ELMO1: variants seen among roughly 807,000 people sequenced by gnomAD.
ELMO1 encodes the protein engulfment and cell motility 1, also known as engulfment and cell motility protein 1.
In ELMO1, 26 loss-of-function variants were observed where a neutral mutation model predicts 98.9. That is an observed-to-expected ratio of 0.26 (90% confidence interval 0.19 to 0.36). The LOEUF (loss-of-function observed/expected upper bound fraction) is 0.36, where lower values mean the gene tolerates loss of function less well. Among genes scored for constraint, ELMO1 ranks in the 10% least tolerant of loss-of-function variants. ELMO1 has a pLI of 1.00. For missense variants in ELMO1, 627 were observed against 935.2 expected (o/e 0.67, Z 4.30); for synonymous variants, 346 against 346.0 (o/e 1.00, Z 0.00).
chr7:37,336,760 G>A (rs1229338872), intron 2 of ELMO1, among the ~76,000 whole-genome samples: 1 of 152,166 alleles, frequency 6.6e-6, no homozygotes, highest in African/African-American at 2.4e-5. Flanking sequence ...GGGGAGCCCT[G>A]TAGAGAGGTA....
chr7:37,211,938 G>C (rs1212435732), intron 12 of ELMO1, among the ~76,000 whole-genome samples: 1 of 152,042 alleles, frequency 6.6e-6, no homozygotes, highest in Non-Finnish European at 1.5e-5. Flanking sequence ...AACCAACACA[G>C]GACAAAAAAG....
intron 16 of ELMO1, among the ~76,000 whole-genome samples, chr7:37,010,247 A>G (rs183213053): frequency 6.6e-6 from 1 of 152,340 alleles, no homozygotes; most frequent in Non-Finnish European, 1.5e-5. Context: ...ACTGATCTAC[A>G]CATCTAAAAA....
chr7:37,080,670 C>A (rs1159135489), intron 15 of ELMO1, among the ~76,000 whole-genome samples: 1 of 131,902 alleles, frequency 7.6e-6, no homozygotes, highest in Admixed American at 9.1e-5. Context: ...CCAGGCTGGT[C>A]TTGAACTTCT....
At chr7:37,092,552 A>AT (rs1408492627) in intron 15 of ELMO1, among the ~76,000 whole-genome samples, 3 of 150,916 alleles carry the variant, frequency 2.0e-5, no homozygotes, top group Middle Eastern at 6.8e-3. Context: ...CTAATTTTGT[A>AT]TTTTTTGTAG....
intron 13 of ELMO1, among the ~76,000 whole-genome samples, chr7:37,181,063 T>C (rs1249743982): frequency 6.6e-6 from 1 of 152,254 alleles, no homozygotes; most frequent in Non-Finnish European, 1.5e-5. Flanking sequence ...ATGTCTACTT[T>C]AACATGCTTA....
chr7:37,122,189 A>C (rs912692884), intron 14 of ELMO1, among the ~76,000 whole-genome samples: 1 of 152,242 alleles, frequency 6.6e-6, no homozygotes, highest in Non-Finnish European at 1.5e-5. Flanking sequence ...ATCATGCCAA[A>C]TTGTAAAGAC....
intron 15 of ELMO1, among the ~76,000 whole-genome samples, chr7:37,091,091 C>T (rs182599305): frequency 2.0e-3 from 299 of 152,256 alleles, no homozygotes; most frequent in Non-Finnish European, 3.3e-3. Context: ...CACTCATCAA[C>T]AATGTATTTA....
chr7:36,924,658 A>G (rs1785393190), intron 16 of ELMO1, among the ~76,000 whole-genome samples: 1 of 152,208 alleles, frequency 6.6e-6, no homozygotes, highest in South Asian at 2.1e-4. Context: ...TGACAAGTAC[A>G]GTGTGCACTA....
intron 15 of ELMO1, among the ~76,000 whole-genome samples, chr7:37,079,316 A>G (rs1797739848): frequency 6.6e-6 from 1 of 152,212 alleles, no homozygotes; most frequent in Non-Finnish European, 1.5e-5. Flanking sequence ...CTCTCAAACT[A>G]TCTGCAGTGA....
intron 16 of ELMO1, chr7:36,985,133 G>A: frequency 1.0e-6 from 1 of 984,734 alleles, no homozygotes; most frequent in Non-Finnish European, 1.2e-6. Context: ...CATCACCAGT[G>A]TCAGAAAATT....
At chr7:37,310,810 T>C (rs1798851252) in intron 4 of ELMO1, among the ~76,000 whole-genome samples, 1 of 152,186 alleles carries the variant, frequency 6.6e-6, no homozygotes, top group Admixed American at 6.5e-5. Context: ...ACTTCTGACC[T>C]GTACAACCCC....
intron 16 of ELMO1, among the ~76,000 whole-genome samples, chr7:36,948,294 T>C (rs1038520884): frequency 3.9e-5 from 6 of 152,102 alleles, no homozygotes; most frequent in African/African-American, 1.4e-4. Context: ...GCTAAGGCAA[T>C]GTGAGGGACC....
rs751558501 is a variant in ELMO1, at chr7:36,855,522, T to C, written c.*29A>G. 15 of 1,612,920 alleles carry C rather than the reference T, an allele frequency of 9.3e-6. No individual in the cohort carries two copies. Among genetic ancestry groups the C allele is most frequent in the Non-Finnish European group, 1.3e-5 (15 of 1,179,508 alleles). On this transcript the variant is annotated 3_prime_UTR_variant, in exon 22 of 22. Coordinates refer to ENST00000310758, the MANE Select transcript of ELMO1 (RefSeq NM_014800.11). The surrounding 1 kb of genome is among the most constrained non-coding windows in gnomAD (Gnocchi z 4.2). Reference sequence around the variant, plus strand: ...TCCTGTTAGCTAGGTGTTCCAGTTTTGGAAGGGGCATGTCTGGGCCCGGCC... The same window carrying C: ...TCCTGTTAGCTAGGTGTTCCAGTTTCGGAAGGGGCATGTCTGGGCCCGGCC...
At chr7:37,383,038 A>G (rs1424543952) in intron 1 of ELMO1, among the ~76,000 whole-genome samples, 1 of 152,230 alleles carries the variant, frequency 6.6e-6, no homozygotes, top group Non-Finnish European at 1.5e-5. Flanking sequence ...TTTCTAAAGA[A>G]CAAGAACATT....
At chr7:37,337,052 AT>A (rs1235974464) in intron 2 of ELMO1, among the ~76,000 whole-genome samples, 2 of 152,202 alleles carry the variant, frequency 1.3e-5, no homozygotes, top group East Asian at 3.8e-4. Flanking sequence ...ATTACTGGGT[AT>A]ATACCCAGAG....
In ELMO1 at chr7:37,230,260, A is replaced by C. The variant is rs189714607; in HGVS notation, c.549+2835T>G. Among the ~76,000 whole-genome samples the C allele has an allele frequency of 3.9e-4, 59 of 152,324 alleles. 1 individual carries two copies. The highest frequency in any genetic ancestry group is 6.8e-4 in the Non-Finnish European group (46 of 68,026). ...ATTGGGAAATACTGTTAAATGAATA[A>C]AAAATTCACCGAAATGTGACAAGTG... On this transcript the variant is annotated intron_variant, in intron 8 of 21. Coordinates refer to ENST00000310758, the MANE Select transcript of ELMO1 (RefSeq NM_014800.11).
intron 16 of ELMO1, among the ~76,000 whole-genome samples, chr7:37,007,217 T>G (rs1488269274): frequency 1.3e-5 from 2 of 152,342 alleles, no homozygotes; most frequent in Middle Eastern, 3.4e-3. Context: ...CCTAGACAGT[T>G]GAAAAATGGA....
At chr7:36,944,865 A>G (rs953059308) in intron 16 of ELMO1, among the ~76,000 whole-genome samples, 1 of 152,208 alleles carries the variant, frequency 6.6e-6, no homozygotes, top group Non-Finnish European at 1.5e-5. Context: ...TTAATGTAGA[A>G]TTAGAGCTAG....
chr7:37,197,755 T>C (rs1584796342), intron 13 of ELMO1, among the ~76,000 whole-genome samples: 1 of 152,194 alleles, frequency 6.6e-6, no homozygotes, highest in Non-Finnish European at 1.5e-5. Flanking sequence ...TGCTTTGATA[T>C]GATCCTACTA....
Sources: gnomAD v4.1 joint callset for allele counts (sites outside exome capture counted in the v4.1 genomes callset) on GRCh38, gnomAD v4.1.1 for gene constraint, Gnocchi (gnomAD v3.1) non-coding constraint, MANE v1.5 for transcripts, NCBI Gene and HGNC (gene_info 2026-07-23, HGNC 2026-07-21) for gene names.